Variants in LRP1B observed in about 807,000 individuals in gnomAD.
The protein encoded by LRP1B is LDL receptor related protein 1B.
A neutral mutation model predicts 556.6 loss-of-function variants in LRP1B; 217 were observed. The ratio of observed to expected loss-of-function variants is 0.39; its 90% CI spans 0.35 to 0.44. The LOEUF is 0.44. Ranked by LOEUF, LRP1B falls within the 20% of genes least tolerant of loss-of-function variation. LRP1B has a pLI of 1.00. For synonymous variants in LRP1B, 2,047 were observed against 1,865.8 expected, an observed-to-expected ratio of 1.10 and a Z score of -2.50; for missense variants, 5,053 against 5,620.8, an observed-to-expected ratio of 0.90 and a Z score of 3.23.
At chr2:141,507,210 C>T (rs990583746) in intron 2 of LRP1B, among the ~76,000 whole-genome samples, 1 of 152,016 alleles carries the variant, frequency 6.6e-6, no homozygotes, top group Non-Finnish European at 1.5e-5. Flanking sequence ...CTCTGAAGAC[C>T]TTTAAATTTT....
intron 3 of LRP1B, among the ~76,000 whole-genome samples, chr2:141,472,202 T>A (rs946381750): frequency 6.6e-6 from 1 of 152,164 alleles, no homozygotes; most frequent in Non-Finnish European, 1.5e-5. Flanking sequence ...ACACACAGAA[T>A]AAATATTTTA....
At chr2:140,240,539 TAAG>T (rs1356277200) in intron 87 of LRP1B, among the ~76,000 whole-genome samples, 1 of 150,498 alleles carries the variant, frequency 6.6e-6, no homozygotes. Context: ...TCACTTATTA[TAAG>T]AAGAAAACTG....
intron 2 of LRP1B, among the ~76,000 whole-genome samples, chr2:141,725,162 C>T (rs1284122598): frequency 1.3e-5 from 2 of 151,858 alleles, no homozygotes; most frequent in South Asian, 2.1e-4. Context: ...ATTTTACTTG[C>T]ATTAGTATAG....
chr2:141,837,548 A>G (rs760960959), intron 1 of LRP1B, among the ~76,000 whole-genome samples: 9 of 152,090 alleles, frequency 5.9e-5, no homozygotes. Context: ...CTAATTGATT[A>G]TCTTTACATT....
chr2:140,656,462 G>T (rs1430699766), intron 41 of LRP1B, among the ~76,000 whole-genome samples: 1 of 151,960 alleles, frequency 6.6e-6, no homozygotes, highest in Non-Finnish European at 1.5e-5. Context: ...GTTTTGCTTT[G>T]TTTTTTTCCC....
chr2:141,758,836 G>A (rs891557033), intron 2 of LRP1B, among the ~76,000 whole-genome samples: 6 of 152,010 alleles, frequency 3.9e-5, no homozygotes, highest in Non-Finnish European at 7.4e-5. Context: ...TTGAAGAAAA[G>A]TACTAAATAC....
At chr2:141,798,705 CAAAA>C (rs151310050) in intron 2 of LRP1B, among the ~76,000 whole-genome samples, 6 of 62,108 alleles carry the variant, frequency 9.7e-5, no homozygotes, top group South Asian at 6.0e-4. Flanking sequence ...GACTCTGTCT[CAAAA>C]AAAAAAAAAA....
intron 90 of LRP1B, 152 bp from the exon 91 acceptor site, chr2:140,233,478 GTTACAT>G (rs1680561720): frequency 7.9e-6 from 4 of 505,056 alleles, no homozygotes; most frequent in Non-Finnish European, 6.6e-6. Context: ...TTATTTACAT[GTTACAT>G]TTACAGACTT....
chr2:141,708,775 C>T (rs1210043937), intron 2 of LRP1B, among the ~76,000 whole-genome samples: 4 of 151,932 alleles, frequency 2.6e-5, no homozygotes, highest in African/African-American at 7.3e-5. Flanking sequence ...TAATCTAATC[C>T]GACCGTGTTG....
At chr2:140,309,850 C>A (rs1684219692) in intron 83 of LRP1B, among the ~76,000 whole-genome samples, 1 of 151,678 alleles carries the variant, frequency 6.6e-6, no homozygotes, top group Admixed American at 6.6e-5. Context: ...ATATCCTGTT[C>A]TTTTTGAATT....
chr2:140,335,574 A>G, intron 78 of LRP1B, 41 bp downstream of exon 78: 2 of 1,180,430 alleles, frequency 1.7e-6, no homozygotes, highest in Non-Finnish European at 2.5e-6. Flanking sequence ...TAAAAAGGAT[A>G]TTCATTATCA....
chr2:140,741,595 T>A (rs1688139361), intron 35 of LRP1B, among the ~76,000 whole-genome samples: 1 of 152,114 alleles, frequency 6.6e-6, no homozygotes, highest in Non-Finnish European at 1.5e-5. Flanking sequence ...GTAATCAGCA[T>A]AGTATCCAAT....
intron 41 of LRP1B, among the ~76,000 whole-genome samples, chr2:140,670,138 T>G (rs1443657968): frequency 1.3e-5 from 2 of 152,158 alleles, no homozygotes; most frequent in East Asian, 3.9e-4. Context: ...AATGTAAGAA[T>G]GCATAACATA....
rs1686584001 is a variant in LRP1B, at chr2:140,700,260, T to G, written c.6789A>C (p.Val2263=). Residue 2263 remains valine, a synonymous_variant, in exon 41 of 91, where the codon GTA becomes GTC. Coordinates refer to ENST00000389484, the MANE Select transcript of LRP1B (RefSeq NM_018557.3). ...LIKDNWEDRQ[V]IVENVGSVEG... is the part of the protein sequence containing the mutation. ...AATTACTGTACTTACTTTCAACAAT[T>G]ACTTGTCTGTCTTCCCAGTTGTCTT... The G allele has an allele frequency of 6.2e-7, 1 of 1,609,872 alleles. No homozygotes were observed. The highest frequency in any genetic ancestry group is 1.7e-5 in the Admixed American group (1 of 59,758).
At chr2:140,650,426 G>A (rs1684641203) in intron 41 of LRP1B, among the ~76,000 whole-genome samples, 1 of 151,692 alleles carries the variant, frequency 6.6e-6, no homozygotes, top group South Asian at 2.1e-4. Context: ...TCGGCTCACT[G>A]CAACCTCCGC....
chr2:140,453,708 T>C (rs1175816457), intron 62 of LRP1B, among the ~76,000 whole-genome samples: 4 of 152,160 alleles, frequency 2.6e-5, no homozygotes, highest in Non-Finnish European at 4.4e-5. Context: ...ACTAGTGTTA[T>C]ATGAATTGAA....
chr2:141,384,006 C>G (rs1385318801), intron 3 of LRP1B, among the ~76,000 whole-genome samples: 1 of 152,024 alleles, frequency 6.6e-6, no homozygotes, highest in African/African-American at 2.4e-5. Context: ...GTGTTCTTAC[C>G]ACACTCACAC....
At position 141,285,351 on chromosome 2, in the gene LRP1B, T is replaced by C. The variant is rs148259608; in HGVS notation, c.344-30710A>G. ...TTCCACCCGCCTCGGCCTCCCAAAG[T>C]GCTGGGATTACAGGCGTGAGCTACC... is the stretch of plus-strand genomic sequence containing the variant. On this transcript the variant is annotated intron_variant, in intron 3 of 90. Coordinates refer to ENST00000389484, the MANE Select transcript of LRP1B (RefSeq NM_018557.3). Among the ~76,000 whole-genome samples the C allele has an allele frequency of 7.0e-3, 1,056 of 151,780 alleles. 10 individuals carry two copies. The highest frequency in any genetic ancestry group is 0.024 in the African/African-American group (977 of 41,376).
chr2:140,457,528 G>A lies in LRP1B; in HGVS notation c.9749C>T (p.Ser3250Leu), dbSNP rs1433391515. 4 of 1,613,880 alleles carry A rather than the reference G, an allele frequency of 2.5e-6. No individual in the cohort carries two copies. Among genetic ancestry groups the A allele is most frequent in the South Asian group, 1.1e-5 (1 of 91,072 alleles). The change falls in exon 61 of 91, where the codon TCA becomes TTA. Residue 3250 changes from serine to leucine, a missense_variant. Physicochemically the swap from Ser to Leu is moderately radical, Grantham distance 145. This residue lies in a region of LRP1B where 262 missense variants were observed against 395.1 expected (regional missense o/e 0.66). Coordinates refer to ENST00000389484, the MANE Select transcript of LRP1B (RefSeq NM_018557.3). ...AHKTSGADRL[S>L]LIYSWHAITD... The stretch of plus-strand genomic sequence containing the variant: ...GATGGCATGCCATGAGTAAATCAGT[G>A]AGAGTCTGTCTGCTCCCGATGTTTT...
Sources: gnomAD v4.1 joint callset for allele counts (sites outside exome capture counted in the v4.1 genomes callset) on GRCh38, gnomAD v4.1.1 for gene constraint, gnomAD v4.1.1 regional missense constraint, MANE v1.5 for transcripts, NCBI Gene and HGNC (gene_info 2026-07-23, HGNC 2026-07-21) for gene names.